Variants in MTHFD1L observed in about 807,000 individuals in gnomAD.
The protein encoded by MTHFD1L is methylenetetrahydrofolate dehydrogenase (NADP+ dependent) 1 like.
In MTHFD1L, 81 loss-of-function variants were observed where a neutral mutation model predicts 119.5. The ratio of observed to expected loss-of-function variants is 0.68; its 90% CI spans 0.57 to 0.82. The LOEUF (loss-of-function observed/expected upper bound fraction) is 0.82, where lower values mean the gene tolerates loss of function less well. MTHFD1L is among the 40% of genes least tolerant of loss of function. The probability of loss-of-function intolerance (pLI) is 0.00; values close to 1 mark genes in which losing one functional copy is unlikely to be tolerated. For missense variants in MTHFD1L, 1,125 were observed against 1,253.4 expected (o/e 0.90, Z 1.55); for synonymous variants, 430 against 475.2 (o/e 0.90, Z 1.24).
chr6:151,099,080 C>T (rs1300536914), intron 27 of MTHFD1L, among the ~76,000 whole-genome samples: 1 of 151,556 alleles, frequency 6.6e-6, no homozygotes, highest in African/African-American at 2.4e-5. Flanking sequence ...GGAAGCTGAA[C>T]CCTGAGAATT....
intron 8 of MTHFD1L, among the ~76,000 whole-genome samples, chr6:150,906,866 G>A (rs972618618): frequency 3.3e-5 from 5 of 152,196 alleles, no homozygotes; most frequent in Admixed American, 1.3e-4. Flanking sequence ...CCCCTTGGGG[G>A]CTGGAGAGGG....
At chr6:151,020,244 C>T (rs1783760635) in intron 24 of MTHFD1L, among the ~76,000 whole-genome samples, 1 of 152,164 alleles carries the variant, frequency 6.6e-6, no homozygotes, top group South Asian at 2.1e-4. Context: ...TGCTAGAGCC[C>T]AGGGCATGAC....
chr6:151,057,781 T>TTTTG (rs544580072), intron 26 of MTHFD1L, among the ~76,000 whole-genome samples: 2 of 152,090 alleles, frequency 1.3e-5, no homozygotes, highest in African/African-American at 2.4e-5. Context: ...ATGCATGACC[T>TTTTG]TTTGTTTGTT....
intron 1 of MTHFD1L, 78 bp downstream of exon 1, chr6:150,866,127 C>A: frequency 1.4e-6 from 2 of 1,442,728 alleles, no homozygotes; most frequent in Non-Finnish European, 1.8e-6. Context: ...CCGGGACCGC[C>A]GTGGGGAGCG....
rs373994966 is a variant in MTHFD1L, at chr6:151,015,621, G to A, written c.2514G>A (p.Ser838=). The change falls in exon 24 of 28, where the codon TCG becomes TCA. Residue 838 remains serine, a synonymous_variant. Coordinates refer to ENST00000367321, the MANE Select transcript of MTHFD1L (RefSeq NM_015440.5). ...ACTGGTCCGTTGGTGGAAAAGGATC[G>A]GTGGACTTGGCTCGGGCTGTGAGAG... ...CYHWSVGGKG[S]VDLARAVREA... 1.1e-4 allele frequency: 181 copies of A among 1,614,128 alleles called. No homozygotes were observed. The East Asian group carries it at 2.2e-3, about 20-fold the overall frequency.
At chr6:151,059,163 C>G (rs1311642358) in intron 26 of MTHFD1L, among the ~76,000 whole-genome samples, 3 of 151,852 alleles carry the variant, frequency 2.0e-5, no homozygotes, top group African/African-American at 7.3e-5. Flanking sequence ...GGCCTTTTAG[C>G]TCCAGGCTGC....
intron 7 of MTHFD1L, 119 bp downstream of exon 7, chr6:150,888,100 C>A: frequency 9.0e-7 from 1 of 1,109,078 alleles, no homozygotes; most frequent in Non-Finnish European, 1.2e-6. Context: ...TGAATAGACC[C>A]ATATCCATTA....
At chr6:150,971,160 A>T (rs1348543994) in intron 19 of MTHFD1L, among the ~76,000 whole-genome samples, 1 of 152,168 alleles carries the variant, frequency 6.6e-6, no homozygotes, top group African/African-American at 2.4e-5. Flanking sequence ...GTGTATTCAT[A>T]AACATGTGTC....
intron 20 of MTHFD1L, among the ~76,000 whole-genome samples, chr6:150,997,782 C>CA (rs1013333620): frequency 1.3e-4 from 19 of 151,796 alleles, no homozygotes; most frequent in East Asian, 7.7e-4. Context: ...AAAAACAAAA[C>CA]AAAAAAAATA....
intron 22 of MTHFD1L, 21 bp from the exon 23 acceptor site, chr6:151,014,859 T>C: frequency 6.2e-7 from 1 of 1,609,850 alleles, no homozygotes; most frequent in Non-Finnish European, 8.5e-7. Context: ...GGTCTGGGTT[T>C]TGCTTTTTTC....
intron 20 of MTHFD1L, among the ~76,000 whole-genome samples, chr6:150,995,601 G>A (rs567994444): frequency 9.9e-5 from 15 of 151,790 alleles, no homozygotes; most frequent in Non-Finnish European, 1.9e-4. Context: ...GACATAAAGT[G>A]AAAATGATTT....
chr6:150,978,829 G>GT (rs1344829899), intron 20 of MTHFD1L, among the ~76,000 whole-genome samples: 1 of 152,158 alleles, frequency 6.6e-6, no homozygotes, highest in Non-Finnish European at 1.5e-5. Context: ...CAGAGAGTAA[G>GT]TGACAGAGGA....
intron 26 of MTHFD1L, among the ~76,000 whole-genome samples, chr6:151,073,244 G>A (rs949839117): frequency 6.6e-6 from 1 of 152,152 alleles, no homozygotes; most frequent in Non-Finnish European, 1.5e-5. Context: ...CCTTGAGCAT[G>A]CAAGTGCGTA....
intron 13 of MTHFD1L, among the ~76,000 whole-genome samples, chr6:150,939,860 A>G (rs1402258463): frequency 2.0e-5 from 3 of 151,368 alleles, no homozygotes; most frequent in East Asian, 3.9e-4. Context: ...GATTTTTTGT[A>G]TTTTAGTAGA....
intron 26 of MTHFD1L, among the ~76,000 whole-genome samples, chr6:151,070,632 C>T (rs747790742): frequency 1.3e-5 from 2 of 152,144 alleles, no homozygotes; most frequent in East Asian, 1.9e-4. Context: ...TCAACTCTGC[C>T]GTTATAGCAC....
intron 7 of MTHFD1L, among the ~76,000 whole-genome samples, chr6:150,896,463 C>T (rs946638355): frequency 3.9e-5 from 6 of 152,134 alleles, no homozygotes; most frequent in African/African-American, 1.2e-4. Flanking sequence ...CCCCTGCCTG[C>T]TGTGGGTGAG....
rs747201948 is a variant in MTHFD1L, at chr6:151,009,886, C to A, written c.2193C>A (p.Ser731=). The change falls in exon 21 of 28, where the codon TCC becomes TCA. Residue 731 remains serine (S), a synonymous_variant. Coordinates refer to ENST00000367321, the MANE Select transcript of MTHFD1L (RefSeq NM_015440.5). The part of the protein sequence containing the change: ...EKFFNIKCRA[S]GLVPNVVVLV... ...TCTTCAACATCAAGTGCCGAGCTTC[C>A]GGCTTGGTGCCCAACGTGGTTGTGT... 7 of 1,613,678 alleles carry A rather than the reference C, an allele frequency of 4.3e-6. No individual in the cohort carries two copies. In the East Asian group the frequency reaches 6.7e-5, roughly 15 times the overall value.
intron 15 of MTHFD1L, 92 bp downstream of exon 15, chr6:150,945,633 A>G: frequency 7.6e-7 from 1 of 1,314,356 alleles, no homozygotes; most frequent in Non-Finnish European, 1.1e-6. Context: ...ACTTGGTTTG[A>G]TTTTGGTTTT....
chr6:150,869,009 G>A (rs1034410109), intron 1 of MTHFD1L, among the ~76,000 whole-genome samples: 6 of 152,104 alleles, frequency 3.9e-5, no homozygotes, highest in South Asian at 2.1e-4. Flanking sequence ...TACAGTGAGC[G>A]GAGATTGCGC....
Sources: allele counts gnomAD v4.1 joint callset (sites outside exome capture counted in the v4.1 genomes callset), GRCh38; gene constraint gnomAD v4.1.1; transcripts MANE v1.5; gene names NCBI Gene and HGNC (gene_info 2026-07-23, HGNC 2026-07-21).